The following PDZD2 variants were observed in gnomAD, a reference collection of about 807,000 sequenced individuals.
The protein encoded by PDZD2 is PDZ domain containing 2, also known as PDZ domain-containing protein 2.
PDZD2 carries 90 observed loss-of-function variants against 220.7 expected under a neutral mutation model. The ratio of observed to expected loss-of-function variants is 0.41; its 90% confidence interval spans 0.34 to 0.49. PDZD2 has a LOEUF of 0.49. PDZD2 is among the 20% of genes least tolerant of loss of function. The pLI, the probability that PDZD2 is intolerant of heterozygous loss-of-function variation, is 0.28. For missense variants in PDZD2, 3,174 were observed against 3,608.5 expected (o/e 0.88, Z 3.08); for synonymous variants, 1,375 against 1,450.5 (o/e 0.95, Z 1.18).
intron 1 of PDZD2, among the ~76,000 whole-genome samples, chr5:31,692,288 G>A (rs932495331): frequency 3.9e-5 from 6 of 152,320 alleles, no homozygotes; most frequent in East Asian, 1.9e-4. Flanking sequence ...ACGCCCACTC[G>A]GAACTTGCGC....
intron 2 of PDZD2, among the ~76,000 whole-genome samples, chr5:31,861,663 T>C (rs1737716244): frequency 6.6e-6 from 1 of 152,140 alleles, no homozygotes; most frequent in African/African-American, 2.4e-5. Context: ...CACTTCATGC[T>C]TCTGCTTGTG....
chr5:31,879,783 A>AG (rs1739691561), intron 2 of PDZD2, among the ~76,000 whole-genome samples: 1 of 151,912 alleles, frequency 6.6e-6, no homozygotes, highest in Non-Finnish European at 1.5e-5. Flanking sequence ...TGTTAGATAG[A>AG]GGAAAAAATG....
At chr5:31,996,843 A>G (rs1459115224) in intron 4 of PDZD2, among the ~76,000 whole-genome samples, 1 of 152,238 alleles carries the variant, frequency 6.6e-6, no homozygotes, top group Non-Finnish European at 1.5e-5. Flanking sequence ...TCACTGTGCC[A>G]GTGTACGCCA....
chr5:31,953,500 G>A (rs1393664242), intron 2 of PDZD2, among the ~76,000 whole-genome samples: 1 of 152,108 alleles, frequency 6.6e-6, no homozygotes, highest in Non-Finnish European at 1.5e-5. Flanking sequence ...CTAAACCGAT[G>A]TGTGCTAATA....
intron 6 of PDZD2, among the ~76,000 whole-genome samples, chr5:32,032,325 A>G (rs934999096): frequency 6.6e-6 from 1 of 152,030 alleles, no homozygotes; most frequent in Non-Finnish European, 1.5e-5. Flanking sequence ...ATGCACCTCA[A>G]AGTTTCCCTA....
chr5:31,880,226 ACC>A, intron 2 of PDZD2, among the ~76,000 whole-genome samples: 1 of 152,138 alleles, frequency 6.6e-6, no homozygotes, highest in East Asian at 1.9e-4. Flanking sequence ...CCCGGCCAAT[ACC>A]TGCCTTTAAA....
intron 1 of PDZD2, among the ~76,000 whole-genome samples, chr5:31,755,400 G>A (rs191582126): frequency 2.0e-5 from 3 of 152,178 alleles, no homozygotes; most frequent in Admixed American, 2.0e-4. Flanking sequence ...ATTTCGGGGT[G>A]GGGGGCGGTG....
chr5:31,694,146 T>A (rs929552036), intron 1 of PDZD2, among the ~76,000 whole-genome samples: 8 of 152,140 alleles, frequency 5.3e-5, no homozygotes, highest in African/African-American at 1.9e-4. Flanking sequence ...ATCCCAGCAC[T>A]TTGGGAGGCC....
chr5:32,015,282 C>T (rs1461667768), intron 6 of PDZD2, among the ~76,000 whole-genome samples: 1 of 151,728 alleles, frequency 6.6e-6, no homozygotes, highest in South Asian at 2.1e-4. Context: ...CTTGCTCTGG[C>T]GGTACCCAGG....
chr5:31,959,891 G>A (rs1483310911), intron 2 of PDZD2, among the ~76,000 whole-genome samples: 3 of 152,070 alleles, frequency 2.0e-5, no homozygotes, highest in Non-Finnish European at 4.4e-5. Flanking sequence ...TCAGTTTCTA[G>A]TGGTTGGAGG....
intron 6 of PDZD2, among the ~76,000 whole-genome samples, chr5:32,010,945 T>G (rs1425469855): frequency 6.4e-5 from 9 of 140,116 alleles, no homozygotes; most frequent in African/African-American, 2.4e-4. Flanking sequence ...TGCAGTGAGC[T>G]GAGATCTCGC....
chr5:31,692,424 C>T lies in PDZD2; in HGVS notation c.-361+52987C>T, dbSNP rs566931936. ...GAAAGGGGCTCCCACAGTGTAGCGG[C>T]GGGCTGAAGGGCTCCTCAAGTGCCG... On this transcript the variant is annotated intron_variant, in intron 1 of 24. Transcript: ENST00000438447. Among the ~76,000 whole-genome samples the T allele has an allele frequency of 4.4e-3, 672 of 152,350 alleles. 3 individuals carry two copies. Among genetic ancestry groups the T allele is most frequent in the Non-Finnish European group, 6.7e-3 (459 of 68,022 alleles).
chr5:31,719,741 C>T (rs772071235), intron 1 of PDZD2, among the ~76,000 whole-genome samples: 1 of 152,046 alleles, frequency 6.6e-6, no homozygotes, highest in Admixed American at 6.6e-5. Context: ...CTTCTCCATC[C>T]ATTTTTTTTT....
intron 3 of PDZD2, among the ~76,000 whole-genome samples, chr5:31,984,421 A>C (rs76304561): frequency 0.26 from 39,871 of 152,122 alleles, 5,381 homozygotes; most frequent in Middle Eastern, 0.33. Flanking sequence ...ATCTTCTTAG[A>C]TATTCCTGCA....
intron 2 of PDZD2, among the ~76,000 whole-genome samples, chr5:31,976,638 T>C (rs540183740): frequency 5.3e-5 from 8 of 152,286 alleles, no homozygotes; most frequent in Non-Finnish European, 1.0e-4. Context: ...GGCATTGTAG[T>C]ACAAGCCAGT....
At chr5:31,757,193 G>A (rs1193669589) in intron 1 of PDZD2, among the ~76,000 whole-genome samples, 1 of 152,192 alleles carries the variant, frequency 6.6e-6, no homozygotes, top group African/African-American at 2.4e-5. Flanking sequence ...GGCCGAGACA[G>A]GAGGATTGCT....
chr5:31,739,458 T>C (rs373565549), intron 1 of PDZD2, among the ~76,000 whole-genome samples: 16 of 152,264 alleles, frequency 1.1e-4, no homozygotes, highest in East Asian at 7.7e-4. Context: ...TATATAGTTA[T>C]TAAAATGTCA....
chr5:31,796,478 G>C (rs867905025), intron 1 of PDZD2, among the ~76,000 whole-genome samples: 23 of 152,160 alleles, frequency 1.5e-4, no homozygotes, highest in Middle Eastern at 3.4e-3. Context: ...TCGTTCAAAA[G>C]TTCGTTAGTT....
chr5:31,875,820 T>C (rs547329537), intron 2 of PDZD2, among the ~76,000 whole-genome samples: 82 of 151,850 alleles, frequency 5.4e-4, no homozygotes, highest in African/African-American at 1.9e-3. Flanking sequence ...CGGTTCTTTA[T>C]TCTCTTCTGA....
Sources: gnomAD v4.1 joint callset for allele counts (sites outside exome capture counted in the v4.1 genomes callset) on GRCh38, gnomAD v4.1.1 for gene constraint, MANE v1.5 for transcripts, NCBI Gene and HGNC (gene_info 2026-07-23, HGNC 2026-07-21) for gene names.